The following DLGAP2 variants were observed in gnomAD, a reference collection of about 807,000 sequenced individuals.
The protein encoded by DLGAP2 is DLG associated protein 2, also known as disks large-associated protein 2.
DLGAP2 carries 26 observed loss-of-function variants against 100.3 expected under a neutral mutation model. The ratio of observed to expected loss-of-function variants is 0.26; its 90% CI spans 0.19 to 0.36. The LOEUF is 0.36. Among genes scored for constraint, DLGAP2 ranks in the 10% least tolerant of loss-of-function variants. The pLI is 1.00. For missense variants in DLGAP2, 1,858 were observed against 1,453.2 expected (o/e 1.28, Z -4.53); for synonymous variants, 886 against 630.1 (o/e 1.41, Z -6.08).
intron 4 of DLGAP2, among the ~76,000 whole-genome samples, chr8:1,511,712 A>G (rs1378273743): frequency 6.6e-6 from 1 of 151,624 alleles, no homozygotes; most frequent in Non-Finnish European, 1.5e-5. Context: ...CATGGACGTA[A>G]GTGCTGTCTA....
chr8:1,328,158 G>A (rs1279657452), intron 3 of DLGAP2, among the ~76,000 whole-genome samples: 1 of 151,960 alleles, frequency 6.6e-6, no homozygotes, highest in East Asian at 1.9e-4. Context: ...TCCTGCCTCA[G>A]CCTCCCAAGT....
intron 2 of DLGAP2, among the ~76,000 whole-genome samples, chr8:1,158,151 C>G (rs1040729231): frequency 6.6e-6 from 1 of 152,184 alleles, no homozygotes; most frequent in Non-Finnish European, 1.5e-5. Flanking sequence ...TAATCTAAAG[C>G]TCATGTAACT....
intron 2 of DLGAP2, among the ~76,000 whole-genome samples, chr8:1,079,350 C>T (rs1172633995): frequency 3.3e-5 from 5 of 152,134 alleles, no homozygotes; most frequent in Non-Finnish European, 5.9e-5. Flanking sequence ...TGCCTTGTCT[C>T]AGTCTATTTT....
At chr8:1,274,467 A>G (rs28588527) in intron 3 of DLGAP2, among the ~76,000 whole-genome samples, 1,546 of 78,876 alleles carry the variant, frequency 0.02, 86 homozygotes, top group Non-Finnish European at 0.032. Flanking sequence ...CTTTGGATTT[A>G]TTTTAGAACA....
At chr8:1,345,112 A>G (rs571942852) in intron 3 of DLGAP2, among the ~76,000 whole-genome samples, 1 of 130,508 alleles carries the variant, frequency 7.7e-6, no homozygotes, top group South Asian at 2.5e-4. Context: ...TTAGCTGCTT[A>G]TATAAATGAC....
intron 1 of DLGAP2, among the ~76,000 whole-genome samples, chr8:759,172 C>T (rs1317007664): frequency 6.4e-5 from 7 of 109,008 alleles, no homozygotes; most frequent in African/African-American, 1.2e-4. Flanking sequence ...ACAGCCTTCC[C>T]GTTATCAATA....
At chr8:1,417,318 G>A (rs1002952289) in intron 3 of DLGAP2, among the ~76,000 whole-genome samples, 2 of 152,162 alleles carry the variant, frequency 1.3e-5, no homozygotes, top group African/African-American at 2.4e-5. Flanking sequence ...GGGGTGCCCA[G>A]GTTCGACAGC....
At chr8:1,039,959 TCGGTGTGCGTGGTC>T (rs1198401716) in intron 2 of DLGAP2, among the ~76,000 whole-genome samples, 6 of 147,944 alleles carry the variant, frequency 4.1e-5, no homozygotes, top group African/African-American at 1.5e-4. Flanking sequence ...CGTGGTCAGC[TCGGTGTGCGTGGTC>T]GGCTCGGTGT....
intron 3 of DLGAP2, among the ~76,000 whole-genome samples, chr8:1,308,758 C>T (rs767232701): frequency 7.4e-4 from 112 of 152,314 alleles, no homozygotes; most frequent in African/African-American, 5.3e-4. Context: ...CTCCCGACCT[C>T]GGATGATCTG....
intron 1 of DLGAP2, among the ~76,000 whole-genome samples, chr8:757,967 C>G (rs1451121722): frequency 6.6e-6 from 1 of 152,156 alleles, no homozygotes; most frequent in Non-Finnish European, 1.5e-5. Context: ...GGGGTTGAGT[C>G]CTGGTGCTGC....
chr8:1,565,956 C>G (rs972878795), intron 6 of DLGAP2, 62 bp downstream of exon 6: 3 of 1,426,380 alleles, frequency 2.1e-6, no homozygotes, highest in East Asian at 5.1e-5. Flanking sequence ...AGCTCCCTCT[C>G]CAAAACCACT....
intron 2 of DLGAP2, among the ~76,000 whole-genome samples, chr8:1,125,301 G>C (rs1000789657): frequency 2.0e-5 from 3 of 152,190 alleles, no homozygotes; most frequent in African/African-American, 7.2e-5. Flanking sequence ...GAACGTTATG[G>C]TTAGAGCTTT....
intron 6 of DLGAP2, among the ~76,000 whole-genome samples, chr8:1,599,744 C>G (rs1010804830): frequency 3.9e-5 from 6 of 152,096 alleles, no homozygotes; most frequent in African/African-American, 1.2e-4. Flanking sequence ...TCCTCCATCC[C>G]TTTATTTTGA....
At chr8:1,334,485 C>T (rs555158137) in intron 3 of DLGAP2, among the ~76,000 whole-genome samples, 2 of 152,272 alleles carry the variant, frequency 1.3e-5, no homozygotes, top group East Asian at 3.9e-4. Context: ...ACTTTTCGTT[C>T]CACTAAATCT....
chr8:771,025 C>T (rs564031276), intron 1 of DLGAP2, among the ~76,000 whole-genome samples: 2 of 152,008 alleles, frequency 1.3e-5, no homozygotes, highest in Non-Finnish European at 2.9e-5. Flanking sequence ...GTGTGAGTGT[C>T]CTATTCTCCA....
At chr8:1,487,095 T>C (rs1028618973) in intron 3 of DLGAP2, among the ~76,000 whole-genome samples, 2 of 152,220 alleles carry the variant, frequency 1.3e-5, no homozygotes, top group Admixed American at 6.5e-5. Context: ...GCAATGTAAG[T>C]GCTGTGCTAA....
At chr8:1,652,803 C>A (rs536419266) in intron 8 of DLGAP2, among the ~76,000 whole-genome samples, 1 of 152,166 alleles carries the variant, frequency 6.6e-6, no homozygotes, top group African/African-American at 2.4e-5. Context: ...ATGAGACCAG[C>A]TGGCGAACCA....
intron 3 of DLGAP2, among the ~76,000 whole-genome samples, chr8:1,304,868 C>G (rs149762382): frequency 3.2e-3 from 488 of 152,332 alleles, no homozygotes; most frequent in African/African-American, 0.011. Context: ...TGAAAAGGCA[C>G]AGTCTGTGTT....
At chr8:1,327,825 C>T (rs1801057136) in intron 3 of DLGAP2, among the ~76,000 whole-genome samples, 1 of 152,118 alleles carries the variant, frequency 6.6e-6, no homozygotes, top group South Asian at 2.1e-4. Context: ...GCCTGGGCAA[C>T]AGAGGGAGAC....
Sources: allele counts gnomAD v4.1 joint callset (sites outside exome capture counted in the v4.1 genomes callset), GRCh38; gene constraint gnomAD v4.1.1; transcripts MANE v1.5; gene names NCBI Gene and HGNC (gene_info 2026-07-23, HGNC 2026-07-21).